Variants in PRKD1 observed in about 807,000 individuals in gnomAD.
The protein encoded by PRKD1 is serine/threonine-protein kinase D1.
PRKD1 carries 63 observed loss-of-function variants against 95.9 expected under a neutral mutation model. That is an observed-to-expected ratio of 0.66 (90% CI 0.54 to 0.81). PRKD1 has a LOEUF of 0.81. PRKD1 is among the 30% of genes least tolerant of loss of function. The pLI, the probability that PRKD1 is intolerant of heterozygous loss-of-function variation, is 0.00. For synonymous variants in PRKD1, 425 were observed against 423.1 expected (o/e 1.00, Z -0.05); for missense variants, 1,048 against 1,165.3 (o/e 0.90, Z 1.47).
chr14:29,775,139 AG>A (rs1193694350), intron 1 of PRKD1, among the ~76,000 whole-genome samples: 5 of 152,220 alleles, frequency 3.3e-5, no homozygotes, highest in Non-Finnish European at 5.9e-5. Context: ...TACTGTGAAT[AG>A]CTTATAGAAC....
chr14:29,903,323 C>T (rs1334871718), intron 1 of PRKD1, among the ~76,000 whole-genome samples: 2 of 152,172 alleles, frequency 1.3e-5, no homozygotes, highest in Non-Finnish European at 2.9e-5. Context: ...ATACCTTTGG[C>T]ACACGACCCT....
At chr14:29,727,990 T>C (rs1886244332) in intron 1 of PRKD1, among the ~76,000 whole-genome samples, 2 of 148,534 alleles carry the variant, frequency 1.3e-5, no homozygotes, top group South Asian at 4.3e-4. Flanking sequence ...AAGGGGAACA[T>C]CACACTCTGG....
intron 2 of PRKD1, among the ~76,000 whole-genome samples, chr14:29,708,885 A>T (rs920720135): frequency 6.6e-6 from 1 of 152,166 alleles, no homozygotes; most frequent in Admixed American, 6.5e-5. Flanking sequence ...ACAAAACTTT[A>T]GGTCTTTAAA....
chr14:29,909,253 G>A (rs942142836), intron 1 of PRKD1, among the ~76,000 whole-genome samples: 16 of 151,858 alleles, frequency 1.1e-4, no homozygotes, highest in Non-Finnish European at 1.2e-4. Flanking sequence ...CTCAGGACCT[G>A]CAGCCCGCCA....
At chr14:29,925,770 A>C (rs1955797286) in intron 1 of PRKD1, among the ~76,000 whole-genome samples, 2 of 152,250 alleles carry the variant, frequency 1.3e-5, no homozygotes. Context: ...AAAATTGTAC[A>C]GAATTACCTT....
At chr14:29,673,709 G>C (rs1338241277) in intron 2 of PRKD1, among the ~76,000 whole-genome samples, 1 of 152,202 alleles carries the variant, frequency 6.6e-6, no homozygotes, top group African/African-American at 2.4e-5. Flanking sequence ...TTTTATTGAA[G>C]TCCTAATAAT....
chr14:29,835,137 T>G (rs1310791343), intron 1 of PRKD1, among the ~76,000 whole-genome samples: 4 of 149,142 alleles, frequency 2.7e-5, no homozygotes, highest in African/African-American at 1.0e-4. Context: ...CATGTACTCA[T>G]GCTGTGAATG....
intron 1 of PRKD1, among the ~76,000 whole-genome samples, chr14:29,810,071 G>A (rs1594538859): frequency 6.6e-6 from 1 of 152,278 alleles, no homozygotes; most frequent in South Asian, 2.1e-4. Context: ...GGATGAACCA[G>A]TCAGAACACA....
chr14:29,815,527 C>T (rs1403046463), intron 1 of PRKD1, among the ~76,000 whole-genome samples: 1 of 152,128 alleles, frequency 6.6e-6, no homozygotes, highest in African/African-American at 2.4e-5. Context: ...GTAGTCTAAC[C>T]GTTATAAGAT....
intron 1 of PRKD1, among the ~76,000 whole-genome samples, chr14:29,774,857 C>A (rs1888665963): frequency 6.6e-6 from 1 of 152,144 alleles, no homozygotes; most frequent in Admixed American, 6.5e-5. Context: ...GATTTGCATT[C>A]TTCCACAGGA....
intron 2 of PRKD1, among the ~76,000 whole-genome samples, chr14:29,723,992 T>C (rs1270974327): frequency 6.6e-6 from 1 of 151,928 alleles, no homozygotes; most frequent in East Asian, 1.9e-4. Flanking sequence ...TTTGCAAAGA[T>C]GGGAGAGGAA....
intron 1 of PRKD1, among the ~76,000 whole-genome samples, chr14:29,860,274 A>G (rs548897028): frequency 5.3e-4 from 80 of 152,360 alleles, no homozygotes; most frequent in Non-Finnish European, 1.0e-3. Context: ...AAGGCTGCGG[A>G]GGGAAAAAAG....
At chr14:29,818,441 T>A (rs745792308) in intron 1 of PRKD1, among the ~76,000 whole-genome samples, 18 of 152,222 alleles carry the variant, frequency 1.2e-4, no homozygotes, top group Non-Finnish European at 1.6e-4. Flanking sequence ...GTTTTCATTC[T>A]GTAAGGAATT....
chr14:29,578,430 T>C, intron 16 of PRKD1, 70 bp from the exon 17 acceptor site: 1 of 1,164,984 alleles, frequency 8.6e-7, no homozygotes, highest in Non-Finnish European at 1.2e-6. Context: ...ATAGTTTATT[T>C]CACATCTGCT....
chr14:29,918,726 C>T lies in PRKD1; in HGVS notation c.264+8523G>A, dbSNP rs186118319. On this transcript the variant is annotated intron_variant, in intron 1 of 17. Coordinates refer to ENST00000331968, the MANE Select transcript of PRKD1 (RefSeq NM_002742.3). ...AACATGCCACTCCTAACCAGAATTG[C>T]TATGGAATCAAACAAACTGAAAAAT... Among the ~76,000 whole-genome samples the T allele has an allele frequency of 1.2e-4, 18 of 152,266 alleles. No homozygotes were observed. The East Asian group carries it at 3.5e-3, about 29-fold the overall frequency.
chr14:29,624,617 T>C (rs946474157), intron 12 of PRKD1, among the ~76,000 whole-genome samples: 1 of 152,154 alleles, frequency 6.6e-6, no homozygotes, highest in Non-Finnish European at 1.5e-5. Context: ...AGTATAATTT[T>C]AAAGTCCTGA....
intron 4 of PRKD1, among the ~76,000 whole-genome samples, chr14:29,647,536 T>C (rs1164326931): frequency 3.9e-5 from 6 of 152,172 alleles, no homozygotes; most frequent in Admixed American, 2.6e-4. Flanking sequence ...AATATTCCCA[T>C]AGTATTTGAC....
At chr14:29,635,288 C>T (rs191450402) in intron 7 of PRKD1, among the ~76,000 whole-genome samples, 94 of 152,180 alleles carry the variant, frequency 6.2e-4, no homozygotes, top group Non-Finnish European at 9.9e-4. Flanking sequence ...TTGGAATCTG[C>T]TAGTCTCTGT....
chr14:29,606,502 T>C (rs1331563619), intron 13 of PRKD1, among the ~76,000 whole-genome samples: 2 of 152,228 alleles, frequency 1.3e-5, no homozygotes, highest in Non-Finnish European at 2.9e-5. Flanking sequence ...ACATCTTTGA[T>C]AGGAAGAAAC....
Sources: gnomAD v4.1 joint callset for allele counts (sites outside exome capture counted in the v4.1 genomes callset) on GRCh38, gnomAD v4.1.1 for gene constraint, MANE v1.5 for transcripts, NCBI Gene and HGNC (gene_info 2026-07-23, HGNC 2026-07-21) for gene names.